Variants in COQ5 observed in about 807,000 individuals in gnomAD.
COQ5 encodes coenzyme Q5, methyltransferase.
Under a neutral mutation model 40.5 loss-of-function variants are expected in COQ5, and 27 were observed. That is an observed-to-expected ratio of 0.67 (90% confidence interval 0.49 to 0.92). The LOEUF is 0.92. Ranked by LOEUF, COQ5 falls within the 40% of genes least tolerant of loss-of-function variation. COQ5 has a pLI of 0.00. For synonymous variants in COQ5, 141 were observed against 150.0 expected (o/e 0.94, Z 0.44); for missense variants, 409 against 406.4 (o/e 1.01, Z -0.06).
intron 1 of COQ5, chr12:120,522,901 TG>T (rs1565933708): frequency 9.7e-6 from 7 of 721,274 alleles, no homozygotes; most frequent in Non-Finnish European, 1.5e-5. Context: ...ACAAGGGCCT[TG>T]ATAGCGTCAG....
intron 5 of COQ5, among the ~76,000 whole-genome samples, chr12:120,504,332 A>G (rs946604937): frequency 1.3e-5 from 2 of 151,334 alleles, no homozygotes; most frequent in African/African-American, 4.9e-5. Context: ...AGATAGGCCT[A>G]CCCAGGGCTG....
At chr12:120,520,953 T>C (rs1190875110) in intron 2 of COQ5, among the ~76,000 whole-genome samples, 1 of 151,162 alleles carries the variant, frequency 6.6e-6, no homozygotes, top group Non-Finnish European at 1.5e-5. Context: ...GCTTCTCTCA[T>C]CCCCTAAAAA....
At chr12:120,522,717 C>T in intron 1 of COQ5, 1 of 656,748 alleles carries the variant, frequency 1.5e-6, no homozygotes, top group East Asian at 2.5e-5. Flanking sequence ...GCTGGAGCTG[C>T]AGCCTGGGCC....
intron 4 of COQ5, among the ~76,000 whole-genome samples, chr12:120,505,604 T>G (rs1868845162): frequency 1.3e-5 from 2 of 152,110 alleles, no homozygotes; most frequent in South Asian, 4.1e-4. Context: ...TTGCCCAGGC[T>G]GGAGTGCAAT....
intron 1 of COQ5, among the ~76,000 whole-genome samples, chr12:120,526,121 T>C (rs1869929883): frequency 6.6e-6 from 1 of 152,186 alleles, no homozygotes; most frequent in Non-Finnish European, 1.5e-5. Flanking sequence ...ACTATGTAAA[T>C]AACAGATACA....
chr12:120,509,771 C>G, intron 4 of COQ5: 3 of 476,114 alleles, frequency 6.3e-6, no homozygotes, highest in Admixed American at 3.3e-5. Flanking sequence ...AAAAATCTAT[C>G]TATCTCTCTC....
rs1308137268 is a variant in COQ5 at position 120,503,887 on chromosome 12, T to C, written c.883-2A>G. 2 of 1,612,622 alleles carry C rather than the reference T, an allele frequency of 1.2e-6. No individual in the cohort carries two copies. Among genetic ancestry groups the C allele is most frequent in the East Asian group, 2.2e-5 (1 of 44,888 alleles). On this transcript the variant is annotated splice_acceptor_variant, in intron 6 of 6. Coordinates refer to ENST00000288532, the MANE Select transcript of COQ5 (RefSeq NM_032314.4). LOFTEE classifies it high-confidence loss of function. ...TTCTATCATGTCCTTGAACTCTTCC[T>C]GAAACACAAGGAAAGATGATAAAGC...
intron 1 of COQ5, among the ~76,000 whole-genome samples, chr12:120,527,656 G>GTTGATTATACA (rs1188497270): frequency 2.0e-5 from 3 of 151,992 alleles, no homozygotes; most frequent in Admixed American, 2.0e-4. Context: ...TGTGTGAAAT[G>GTTGATTATACA]TTGATTATAC....
chr12:120,515,005 T>C (rs1175666107), intron 3 of COQ5, among the ~76,000 whole-genome samples: 2 of 152,082 alleles, frequency 1.3e-5, no homozygotes, highest in Non-Finnish European at 2.9e-5. Context: ...TTGGTCAGGC[T>C]GGTCTCGAAC....
At chr12:120,509,892 C>T (rs1398586312) in intron 4 of COQ5, 125 bp downstream of exon 4, 4 of 747,990 alleles carry the variant, frequency 5.3e-6, no homozygotes, top group Admixed American at 2.0e-5. Context: ...TTGAGACTAG[C>T]CTGGGCAACA....
rs1209396898 is a variant in COQ5, at chr12:120,504,996, AG to A, written c.682-14del. ...CTTCCTGGAGTGCCTGAGCAAGACA[AG>A]GAACAACAGGACACACTCCTCAGTA... On this transcript the variant is annotated splice_polypyrimidine_tract_variant and intron_variant, in intron 4 of 6. Transcript: ENST00000288532. 6.2e-7 allele frequency: 1 copy of A among 1,607,562 alleles called. No homozygotes were observed. Among genetic ancestry groups the A allele is most frequent in the South Asian group, 1.1e-5 (1 of 90,902 alleles).
chr12:120,516,802 A>G lies in COQ5; in HGVS notation c.353-14T>C. The stretch of plus-strand genomic sequence containing the variant: ...ATGCAATGTCACCTGTGGGAAGCCA[A>G]CATGAGGAAAGATGCAGACTAAAAC... On this transcript the variant is annotated splice_polypyrimidine_tract_variant and intron_variant, in intron 2 of 6. Transcript: ENST00000288532. 2 of 1,606,190 alleles carry G rather than the reference A, an allele frequency of 1.2e-6. No homozygotes were observed. The highest frequency in any genetic ancestry group is 2.2e-5 in the East Asian group (1 of 44,848).
rs116447267 is a variant in COQ5 at position 120,503,936 on chromosome 12, A to G, written c.882+34T>C. The G allele has an allele frequency of 1.9e-4, 298 of 1,593,660 alleles. 2 individuals carry two copies. The African/African-American group carries it at 3.7e-3, about 20-fold the overall frequency. On this transcript the variant is annotated intron_variant, in intron 6 of 6. Coordinates refer to ENST00000288532, the MANE Select transcript of COQ5 (RefSeq NM_032314.4). ...GCCAGGGTAGCCTGGATATCACTGT[A>G]GGGCCTTTGTTTAAAGCTATAGAAG...
Position 120,503,293 on chromosome 12 carries a change from C to T in COQ5, c.*491G>A, listed in dbSNP as rs1593011463. The T allele has an allele frequency of 7.2e-6, 2 of 276,896 alleles. No homozygotes were observed. The highest frequency in any genetic ancestry group is 2.2e-5 in the African/African-American group (1 of 45,902). 17.2% of individuals were successfully genotyped at this position (276,896 alleles called of 1,614,324 possible). A position where few individuals can be genotyped will look rare whatever the true frequency, so the allele number is the denominator to read the frequency against. On this transcript the variant is annotated 3_prime_UTR_variant, in exon 7 of 7. Transcript: ENST00000288532. The stretch of plus-strand genomic sequence containing the variant: ...GACAAGTACCATCAAAAGGTAAACT[C>T]GTTTACTGGTTCAGCACACAATTCT...
chr12:120,520,956 C>A (rs1477172071), intron 2 of COQ5, among the ~76,000 whole-genome samples: 1 of 151,650 alleles, frequency 6.6e-6, no homozygotes, highest in Admixed American at 6.6e-5. Context: ...TCTCTCATCC[C>A]CTAAAAAAGA....
chr12:120,523,261 T>C (rs866899065), intron 1 of COQ5: 2 of 197,896 alleles, frequency 1.0e-5, no homozygotes, highest in South Asian at 9.1e-5. Flanking sequence ...GGCGTGAACC[T>C]GGGAGGTGGA....
intron 2 of COQ5, among the ~76,000 whole-genome samples, chr12:120,521,238 T>G (rs1869633875): frequency 6.6e-6 from 1 of 151,984 alleles, no homozygotes; most frequent in Non-Finnish European, 1.5e-5. Context: ...GCTTTTTTTT[T>G]GTATTTTTAG....
Position 120,516,773 on chromosome 12 carries a change from C to G in COQ5, c.368G>C (p.Arg123Pro). The G allele has an allele frequency of 6.2e-7, 1 of 1,614,052 alleles. No individual in the cohort carries two copies. Among genetic ancestry groups the G allele is most frequent in the Non-Finnish European group, 8.5e-7 (1 of 1,179,948 alleles). Residue 123 changes from arginine (R) to proline (P), a missense_variant, in exon 3 of 7, where the codon CGG becomes CCG. By Grantham distance (103) the Arg-to-Pro change is moderately radical. Coordinates refer to ENST00000288532, the MANE Select transcript of COQ5 (RefSeq NM_032314.4). ...CTGGGACTGAACATAATTAAGGAAC[C>G]GGAATGCAATGTCACCTGTGGGAAG... ...VAGGTGDIAF[R>P]FLNYVQSQHQ...
chr12:120,511,435 G>A (rs1472387879), intron 3 of COQ5, among the ~76,000 whole-genome samples: 1 of 151,908 alleles, frequency 6.6e-6, no homozygotes, highest in African/African-American at 2.4e-5. Context: ...CCAACTCTGT[G>A]AGAGAGTTAC....
Sources: gnomAD v4.1 joint callset for allele counts (sites outside exome capture counted in the v4.1 genomes callset) on GRCh38, gnomAD v4.1.1 for gene constraint, MANE v1.5 for transcripts, NCBI Gene and HGNC (gene_info 2026-07-23, HGNC 2026-07-21) for gene names.